Variants in EFL1 observed in about 807,000 individuals in gnomAD.
The protein encoded by EFL1 is elongation factor-like GTPase 1.
Under a neutral mutation model 126.7 loss-of-function variants are expected in EFL1, and 76 were observed. That is an observed-to-expected ratio of 0.60 (90% confidence interval 0.50 to 0.73). The LOEUF is 0.73. EFL1 is among the 30% of genes least tolerant of loss of function. EFL1 has a pLI of 0.00. For synonymous variants in EFL1, 410 were observed against 448.4 expected (o/e 0.91, Z 1.08); for missense variants, 1,128 against 1,343.2 (o/e 0.84, Z 2.50).
chr15:82,194,160 G>A (rs1447510908), intron 15 of EFL1, among the ~76,000 whole-genome samples: 1 of 152,174 alleles, frequency 6.6e-6, no homozygotes, highest in East Asian at 1.9e-4. Flanking sequence ...TAGTGCCATT[G>A]GGCGGACTGG....
intron 16 of EFL1, among the ~76,000 whole-genome samples, chr15:82,161,800 C>T (rs924649385): frequency 6.6e-6 from 1 of 152,154 alleles, no homozygotes; most frequent in Non-Finnish European, 1.5e-5. Context: ...CTTAATCTTA[C>T]TATGAATCAG....
chr15:82,229,253 T>C (rs2074796292), intron 8 of EFL1, 143 bp from the exon 9 acceptor site: 2 of 672,526 alleles, frequency 3.0e-6, no homozygotes, highest in South Asian at 2.2e-5. Context: ...AAAGTAGTTA[T>C]AAGAATGCAC....
chr15:82,132,093 A>C (rs2073654789), intron 19 of EFL1, among the ~76,000 whole-genome samples: 1 of 152,210 alleles, frequency 6.6e-6, no homozygotes, highest in Non-Finnish European at 1.5e-5. Flanking sequence ...AAATGCTGGA[A>C]ATCTGTGGGC....
At position 82,220,087 on chromosome 15, in the gene EFL1, C is replaced by T. The variant is rs781723069; in HGVS notation, c.1435G>A (p.Glu479Lys). 1.9e-6 allele frequency: 3 copies of T among 1,605,046 alleles called. No individual in the cohort carries two copies. Among genetic ancestry groups the T allele is most frequent in the African/African-American group, 1.3e-5 (1 of 74,260 alleles). ...SAIETCPKGE[E>K]PRGDEQQVES... ...CTTAGGAAAGCTATACCTCTTGGCT[C>T]CTCTCCTTTTGGACATGTTTCAATG... Residue 479 changes from glutamate (E) to lysine (K), a missense_variant, in exon 13 of 20, where the codon GAG becomes AAG. This residue lies in a region of EFL1 where 120 missense variants were observed against 142.1 expected (regional missense o/e 0.84). Coordinates refer to ENST00000268206, the MANE Select transcript of EFL1 (RefSeq NM_024580.6).
chr15:82,170,229 C>T lies in EFL1; in HGVS notation c.1751-6245G>A, dbSNP rs543919664. 8.1e-3 allele frequency among the ~76,000 whole-genome samples: 1,214 copies of T among 150,190 alleles called. 17 individuals are homozygous for T. The highest frequency in any genetic ancestry group is 0.027 in the African/African-American group (1,112 of 41,046). On this transcript the variant is annotated intron_variant, in intron 15 of 19. Transcript: ENST00000268206. ...TCCCGGGTTCATGCCATTCTCCTGC[C>T]TCAGCCTCCCAAGTAGCTGGGACTA...
rs553994713 is a variant in EFL1 at position 82,208,345 on chromosome 15, C to T, written c.1750+6372G>A. ...GAGCAGCACTATACAATACGGCAAC[C>T]GCTAGCCATACATAGTTATTAAGCA... On this transcript the variant is annotated intron_variant, in intron 15 of 19. Transcript: ENST00000268206. Among the ~76,000 whole-genome samples the T allele has an allele frequency of 7.9e-5, 12 of 152,270 alleles. No homozygotes were observed. In the South Asian group the frequency reaches 2.1e-3, roughly 26 times the overall value.
chr15:82,208,801 T>A (rs1434421291), intron 15 of EFL1, among the ~76,000 whole-genome samples: 1 of 151,544 alleles, frequency 6.6e-6, no homozygotes, highest in Non-Finnish European at 1.5e-5. Context: ...AAAAAAAAAA[T>A]ACTTTCCCGG....
intron 17 of EFL1, among the ~76,000 whole-genome samples, chr15:82,152,832 T>C (rs931453275): frequency 9.2e-5 from 14 of 152,150 alleles, no homozygotes; most frequent in Admixed American, 9.2e-4. Flanking sequence ...TAAATAGACA[T>C]AGAATCACAG....
intron 15 of EFL1, among the ~76,000 whole-genome samples, chr15:82,172,179 C>G (rs1160931204): frequency 6.6e-6 from 1 of 152,088 alleles, no homozygotes; most frequent in African/African-American, 2.4e-5. Context: ...GAAGAAACCA[C>G]GTGCTGGCAG....
At chr15:82,231,398 C>A (rs1190063864) in intron 7 of EFL1, among the ~76,000 whole-genome samples, 1 of 152,072 alleles carries the variant, frequency 6.6e-6, no homozygotes, top group Non-Finnish European at 1.5e-5. Flanking sequence ...CCACAACCTG[C>A]CAAAACAAGA....
At chr15:82,138,430 A>ATGTGTGTGTGTGTGTG (rs10675439) in intron 19 of EFL1, among the ~76,000 whole-genome samples, 37 of 146,104 alleles carry the variant, frequency 2.5e-4, no homozygotes, top group African/African-American at 7.6e-4. Context: ...GAGAGAGTGT[A>ATGTGTGTGTGTGTGTG]TGTGTGTGTG....
intron 15 of EFL1, among the ~76,000 whole-genome samples, 156 bp downstream of exon 15, chr15:82,214,561 G>T (rs72749575): frequency 0.3 from 45,449 of 151,924 alleles, 7,061 homozygotes; most frequent in South Asian, 0.41. Flanking sequence ...ATCTCCATGT[G>T]AGTTACTCCA....
At chr15:82,247,052 C>G (rs536844716) in intron 4 of EFL1, among the ~76,000 whole-genome samples, 9 of 152,072 alleles carry the variant, frequency 5.9e-5, no homozygotes, top group African/African-American at 9.7e-5. Flanking sequence ...AAGACGCTGG[C>G]AAGACTGTCA....
intron 15 of EFL1, among the ~76,000 whole-genome samples, chr15:82,164,634 A>G (rs1431598454): frequency 6.6e-6 from 1 of 152,232 alleles, no homozygotes; most frequent in Non-Finnish European, 1.5e-5. Flanking sequence ...GCAGTGGCTC[A>G]CGCCTGCAAT....
chr15:82,201,447 G>T (rs1298465061), intron 15 of EFL1, among the ~76,000 whole-genome samples: 1 of 152,172 alleles, frequency 6.6e-6, no homozygotes, highest in Admixed American at 6.5e-5. Context: ...TTTTTTAAAA[G>T]ACCATAATAT....
At chr15:82,157,681 TC>T in intron 17 of EFL1, 31 bp downstream of exon 17, 1 of 1,593,880 alleles carries the variant, frequency 6.3e-7, no homozygotes, top group Non-Finnish European at 8.6e-7. Flanking sequence ...TTGAGAGCTA[TC>T]ATTTCTCCAT....
chr15:82,253,606 T>A (rs2141340504), intron 3 of EFL1, among the ~76,000 whole-genome samples: 1 of 152,284 alleles, frequency 6.6e-6, no homozygotes. Context: ...ATAAGCTGTT[T>A]GACAAATTCT....
chr15:82,214,924 T>C, intron 14 of EFL1, 69 bp from the exon 15 acceptor site: 1 of 1,515,902 alleles, frequency 6.6e-7, no homozygotes, highest in Non-Finnish European at 8.9e-7. Flanking sequence ...ATTTGTAAAG[T>C]TACTTCTATT....
chr15:82,151,345 G>A, intron 18 of EFL1, 120 bp downstream of exon 18: 1 of 931,294 alleles, frequency 1.1e-6, no homozygotes, highest in East Asian at 2.4e-5. Context: ...CCGAGATTGT[G>A]CCACTGCACT....
Sources: allele counts gnomAD v4.1 joint callset (sites outside exome capture counted in the v4.1 genomes callset), GRCh38; gene constraint gnomAD v4.1.1; regional missense constraint gnomAD v4.1.1; transcripts MANE v1.5; gene names NCBI Gene and HGNC (gene_info 2026-07-23, HGNC 2026-07-21).